MYO9A: variants seen among roughly 807,000 people sequenced by gnomAD.
MYO9A encodes unconventional myosin-IXa.
MYO9A carries 103 observed loss-of-function variants against 293.3 expected under a neutral mutation model. The ratio of observed to expected loss-of-function variants is 0.35; its 90% CI spans 0.30 to 0.41. MYO9A has a LOEUF of 0.41. MYO9A is among the 10% of genes least tolerant of loss of function. The probability of loss-of-function intolerance (pLI) is 1.00; values close to 1 mark genes in which losing one functional copy is unlikely to be tolerated. For missense variants in MYO9A, 2,685 were observed against 3,033.0 expected (o/e 0.89, Z 2.69); for synonymous variants, 1,001 against 1,035.7 (o/e 0.97, Z 0.64).
At chr15:72,028,840 T>C (rs2077769030) in intron 3 of MYO9A, among the ~76,000 whole-genome samples, 1 of 152,192 alleles carries the variant, frequency 6.6e-6, no homozygotes, top group Non-Finnish European at 1.5e-5. Flanking sequence ...CAATTTATTA[T>C]ATAATGATTT....
chr15:72,023,387 G>A (rs919734474), intron 4 of MYO9A, among the ~76,000 whole-genome samples: 3 of 152,156 alleles, frequency 2.0e-5, no homozygotes, highest in Non-Finnish European at 2.9e-5. Flanking sequence ...TTGGGAGGTG[G>A]AGGTGGGTGG....
intron 18 of MYO9A, among the ~76,000 whole-genome samples, chr15:71,926,896 A>G (rs2058327824): frequency 1.3e-5 from 2 of 152,138 alleles, no homozygotes; most frequent in Non-Finnish European, 2.9e-5. Context: ...ACACCAGTCC[A>G]CTGGCTCTGG....
chr15:72,057,013 A>G (rs2078740070), intron 1 of MYO9A, among the ~76,000 whole-genome samples: 1 of 152,160 alleles, frequency 6.6e-6, no homozygotes, highest in Non-Finnish European at 1.5e-5. Flanking sequence ...AGGCCGAGGC[A>G]GGAGAATTGC....
rs1015045575 is a variant in MYO9A, at chr15:71,962,786, A to G, written c.1987-2690T>C. Among the ~76,000 whole-genome samples the G allele has an allele frequency of 2.6e-5, 4 of 152,232 alleles. 1 individual carries two copies. Among genetic ancestry groups the G allele is most frequent in the African/African-American group, 9.6e-5 (4 of 41,454 alleles). On this transcript the variant is annotated intron_variant, in intron 13 of 41. Coordinates refer to ENST00000356056, the MANE Select transcript of MYO9A (RefSeq NM_006901.4). ...AACACCAGTCTGCCCTACTCCTATTAATAACTACACTGTACAACCTAAAAA... is the reference window on the plus strand; with the variant it reads ...AACACCAGTCTGCCCTACTCCTATTGATAACTACACTGTACAACCTAAAAA...
At chr15:71,932,077 G>C (rs2058490597) in intron 18 of MYO9A, among the ~76,000 whole-genome samples, 2 of 152,180 alleles carry the variant, frequency 1.3e-5, no homozygotes, top group South Asian at 4.1e-4. Flanking sequence ...AGTTCCGTTA[G>C]TACCTCAAAA....
At chr15:71,922,532 G>C (rs1035224915) in intron 18 of MYO9A, among the ~76,000 whole-genome samples, 4 of 152,044 alleles carry the variant, frequency 2.6e-5, no homozygotes, top group Admixed American at 6.6e-5. Context: ...TATTCAACTT[G>C]CTACACAAAA....
At chr15:71,835,320 G>A (rs1187859386) in intron 39 of MYO9A, among the ~76,000 whole-genome samples, 1 of 151,980 alleles carries the variant, frequency 6.6e-6, no homozygotes, top group Middle Eastern at 3.2e-3. Flanking sequence ...GAAAGAAAAG[G>A]TATAAGGATT....
At chr15:71,830,788 A>G (rs2054691058) in intron 39 of MYO9A, among the ~76,000 whole-genome samples, 2 of 152,192 alleles carry the variant, frequency 1.3e-5, no homozygotes, top group South Asian at 2.1e-4. Context: ...ACAGTGCTCT[A>G]TAACTGTAGC....
At chr15:71,945,319 T>G (rs1036739194) in intron 15 of MYO9A, among the ~76,000 whole-genome samples, 38 of 152,184 alleles carry the variant, frequency 2.5e-4, no homozygotes, top group Non-Finnish European at 5.3e-4. Context: ...TAGCATCTTG[T>G]CTCTCCAAGA....
At chr15:71,960,274 T>A (rs1053092083) in intron 13 of MYO9A, 178 bp from the exon 14 acceptor site, 2 of 601,036 alleles carry the variant, frequency 3.3e-6, no homozygotes, top group Admixed American at 2.9e-5. Flanking sequence ...AGATCCCTCA[T>A]GAATGGATTG....
intron 23 of MYO9A, 107 bp downstream of exon 23, chr15:71,901,084 G>A (rs1469617058): frequency 2.4e-6 from 3 of 1,226,042 alleles, no homozygotes; most frequent in Non-Finnish European, 3.3e-6. Context: ...TCTCATTTCT[G>A]AAGTTCACAT....
chr15:72,017,924 A>G (rs1268218986), intron 6 of MYO9A, among the ~76,000 whole-genome samples: 1 of 152,188 alleles, frequency 6.6e-6, no homozygotes, highest in African/African-American at 2.4e-5. Context: ...GTCATAAAAT[A>G]TAACAAATAA....
At chr15:72,058,307 C>G (rs2078778510) in intron 1 of MYO9A, among the ~76,000 whole-genome samples, 1 of 152,112 alleles carries the variant, frequency 6.6e-6, no homozygotes, top group African/African-American at 2.4e-5. Context: ...GGTTAAAACA[C>G]TGGGCTTTTG....
intron 18 of MYO9A, among the ~76,000 whole-genome samples, chr15:71,932,194 T>C (rs1338601334): frequency 6.6e-6 from 1 of 152,184 alleles, no homozygotes; most frequent in Admixed American, 6.5e-5. Flanking sequence ...TAGGATTCTC[T>C]CTGCACTACG....
chr15:71,897,844 T>G lies in MYO9A; in HGVS notation c.4659A>C (p.Arg1553Ser), dbSNP rs368939845. 6.2e-7 allele frequency: 1 copy of G among 1,614,086 alleles called. No individual in the cohort carries two copies. The highest frequency in any genetic ancestry group is 1.3e-5 in the African/African-American group (1 of 75,046). ...VAPSSYQSKQRVERPSSLLSL... is the reference protein window; with the variant it reads ...VAPSSYQSKQSVERPSSLLSL... ...TGAGGAGAGAGGATGGCCTCTCTAC[T>G]CTTTGCTTTGACTGATAGGAAGATG... Residue 1553 changes from arginine (R) to serine (S), a missense_variant, in exon 25 of 42, where the codon AGA (arginine) becomes AGC (serine). Physicochemically the swap from Arg to Ser is moderately radical, Grantham distance 110. Around this residue, in one of 10 missense-constraint regions of MYO9A, gnomAD observed 1,434 missense variants for 1,497.7 expected, o/e 0.96. Transcript: ENST00000356056.
At chr15:71,870,000 T>C (rs570912697) in intron 32 of MYO9A, among the ~76,000 whole-genome samples, 1 of 152,342 alleles carries the variant, frequency 6.6e-6, no homozygotes, top group South Asian at 2.1e-4. Flanking sequence ...ATCTAAACTT[T>C]ACTTCTCAGC....
At chr15:72,074,950 C>CTTTTTTTTTTTTTTTTTTTTTTTTTT (rs1567012010) in intron 1 of MYO9A, among the ~76,000 whole-genome samples, 1 of 71,666 alleles carries the variant, frequency 1.4e-5, no homozygotes. Context: ...ATTTTCACTG[C>CTTTTTTTTTTTTTTTTTTTTTTTTTT]CTTTTTTTTT....
intron 1 of MYO9A, among the ~76,000 whole-genome samples, chr15:72,100,672 A>G (rs1030978960): frequency 5.1e-4 from 76 of 149,430 alleles, no homozygotes; most frequent in African/African-American, 1.9e-3. Context: ...GGAGGTGAGG[A>G]GCATCTCTGC....
At chr15:71,964,070 T>C (rs147744821) in intron 13 of MYO9A, among the ~76,000 whole-genome samples, 128 of 152,316 alleles carry the variant, frequency 8.4e-4, no homozygotes, top group African/African-American at 3.0e-3. Flanking sequence ...TGACAAAATA[T>C]ATGCATATCC....
Sources: allele counts gnomAD v4.1 joint callset (sites outside exome capture counted in the v4.1 genomes callset), GRCh38; gene constraint gnomAD v4.1.1; regional missense constraint gnomAD v4.1.1; transcripts MANE v1.5; gene names NCBI Gene and HGNC (gene_info 2026-07-23, HGNC 2026-07-21).